The following FRMD4A variants were observed in gnomAD, a reference collection of about 807,000 sequenced individuals.
FRMD4A encodes the protein FERM domain containing 4A, also known as FERM domain-containing protein 4A.
Under a neutral mutation model 129.1 loss-of-function variants are expected in FRMD4A, and 29 were observed. The ratio of observed to expected loss-of-function variants is 0.22; its 90% CI spans 0.17 to 0.31. The LOEUF (loss-of-function observed/expected upper bound fraction) is 0.31, where lower values mean the gene tolerates loss of function less well. Ranked by LOEUF, FRMD4A falls within the 10% of genes least tolerant of loss-of-function variation. FRMD4A has a pLI of 1.00. For missense variants in FRMD4A, 1,272 were observed against 1,375.8 expected (o/e 0.92, Z 1.19); for synonymous variants, 634 against 571.6 (o/e 1.11, Z -1.56).
intron 4 of FRMD4A, among the ~76,000 whole-genome samples, chr10:13,803,361 T>C (rs1262013344): frequency 6.6e-6 from 1 of 152,168 alleles, no homozygotes; most frequent in Non-Finnish European, 1.5e-5. Flanking sequence ...AGACAGAGTC[T>C]CTTTCTGTTG....
intron 6 of FRMD4A, among the ~76,000 whole-genome samples, chr10:13,779,954 T>C (rs1312254493): frequency 1.3e-5 from 2 of 152,146 alleles, no homozygotes; most frequent in East Asian, 1.9e-4. Flanking sequence ...GTGACGGAGA[T>C]TGCATTCATG....
rs141790652 is a variant in FRMD4A at position 13,707,967 on chromosome 10, T to C, written c.760-854A>G. 425 of 842,686 alleles carry C rather than the reference T, an allele frequency of 5.0e-4. 1 individual carries two copies. In the African/African-American group the frequency reaches 7.3e-3, roughly 15 times the overall value. 52.2% of individuals were successfully genotyped at this position (842,686 alleles called of 1,614,324 possible). ...TGCTCCAGGAACGGGGTTCCTTTCA[T>C]TGGATGAAAAAGAAAGTTACTTTAA... is the stretch of plus-strand genomic sequence containing the variant. On this transcript the variant is annotated intron_variant, in intron 12 of 24. Coordinates refer to ENST00000357447, the MANE Select transcript of FRMD4A (RefSeq NM_018027.5).
At chr10:14,036,869 C>A (rs78816825) in intron 2 of FRMD4A, among the ~76,000 whole-genome samples, 186 of 152,250 alleles carry the variant, frequency 1.2e-3, no homozygotes, top group African/African-American at 4.4e-3. Flanking sequence ...TACAGGCATG[C>A]TCCACCGTGC....
chr10:14,221,027 C>T (rs1054302341), intron 2 of FRMD4A, among the ~76,000 whole-genome samples: 1 of 152,062 alleles, frequency 6.6e-6, no homozygotes, highest in Non-Finnish European at 1.5e-5. Flanking sequence ...AGGAACCCTG[C>T]TGTATTGGCT....
intron 2 of FRMD4A, among the ~76,000 whole-genome samples, chr10:14,262,412 C>A (rs1844837472): frequency 6.6e-6 from 1 of 152,144 alleles, no homozygotes; most frequent in Non-Finnish European, 1.5e-5. Flanking sequence ...AGGGTAAATT[C>A]TTGCTAATTA....
chr10:13,942,455 C>A (rs1588452359), intron 2 of FRMD4A, among the ~76,000 whole-genome samples: 2 of 152,198 alleles, frequency 1.3e-5, no homozygotes, highest in African/African-American at 4.8e-5. Context: ...CAAGGCTACA[C>A]TGGAGCAGGT....
At chr10:14,143,275 C>T (rs945029868) in intron 2 of FRMD4A, among the ~76,000 whole-genome samples, 5 of 152,182 alleles carry the variant, frequency 3.3e-5, no homozygotes, top group African/African-American at 1.2e-4. Flanking sequence ...ATGGTATATA[C>T]ATACAATTAA....
intron 2 of FRMD4A, among the ~76,000 whole-genome samples, chr10:14,144,345 G>A (rs1428196420): frequency 1.3e-5 from 2 of 152,008 alleles, no homozygotes; most frequent in Non-Finnish European, 2.9e-5. Context: ...AGAGAGGAGG[G>A]GACCGAAAAA....
chr10:13,921,218 TTCTTTCTTTCTCTC>T (rs1325393064), intron 2 of FRMD4A, among the ~76,000 whole-genome samples: 4 of 38,292 alleles, frequency 1.0e-4, no homozygotes, highest in African/African-American at 2.7e-4. Flanking sequence ...CTCTTTTTCT[TTCTTTCTTTCTCTC>T]TCTTTCTTTC....
chr10:13,997,454 C>A (rs1382411680), intron 2 of FRMD4A, among the ~76,000 whole-genome samples: 3 of 152,074 alleles, frequency 2.0e-5, no homozygotes, highest in South Asian at 2.1e-4. Context: ...CTTTTCTCTA[C>A]CCCACTGTGC....
At chr10:14,263,195 G>C (rs1844862983) in intron 2 of FRMD4A, among the ~76,000 whole-genome samples, 1 of 152,164 alleles carries the variant, frequency 6.6e-6, no homozygotes, top group Non-Finnish European at 1.5e-5. Context: ...CCACTTTTAG[G>C]AGCTGGCATG....
chr10:14,127,979 C>CTTTCT lies in FRMD4A; in HGVS notation c.45+202078_45+202079insAGAAA, dbSNP rs58342864. Among the ~76,000 whole-genome samples, 53 of 31,038 alleles carry CTTTCT rather than the reference C, an allele frequency of 1.7e-3. 5 individuals are homozygous for CTTTCT. The highest frequency in any genetic ancestry group is 3.8e-3 in the South Asian group (3 of 786). The allele number at this position is 31,038 out of a possible 152,430, so 20.4% of individuals were successfully genotyped here. The stretch of plus-strand genomic sequence containing the variant: ...CTTTCTTTCTTTCTTTCTTTCTTTC[C>CTTTCT]TTCTCTCTCTCTCTCTCTCTCTTTC... On this transcript the variant is annotated intron_variant, in intron 2 of 24. Transcript: ENST00000357447.
At chr10:13,755,369 A>G (rs2091816254) in intron 8 of FRMD4A, among the ~76,000 whole-genome samples, 1 of 152,214 alleles carries the variant, frequency 6.6e-6, no homozygotes. Context: ...GATTTCAAAG[A>G]AAGAAAGAGA....
chr10:13,876,480 A>C (rs2131103604), intron 2 of FRMD4A, among the ~76,000 whole-genome samples: 1 of 152,328 alleles, frequency 6.6e-6, no homozygotes, highest in Non-Finnish European at 1.5e-5. Flanking sequence ...AATTCTGTGC[A>C]GAAGAGTTAC....
At chr10:14,139,618 T>A (rs2131839858) in intron 2 of FRMD4A, among the ~76,000 whole-genome samples, 1 of 151,958 alleles carries the variant, frequency 6.6e-6, no homozygotes, top group Non-Finnish European at 1.5e-5. Context: ...CTGGGCTAAT[T>A]TTTTTGTGAT....
At chr10:13,817,493 C>G (rs1028150210) in intron 3 of FRMD4A, among the ~76,000 whole-genome samples, 1 of 152,216 alleles carries the variant, frequency 6.6e-6, no homozygotes, top group African/African-American at 2.4e-5. Flanking sequence ...GGCTGTGTCC[C>G]CATCCAAATC....
At chr10:13,885,564 T>C (rs2094609611) in intron 2 of FRMD4A, among the ~76,000 whole-genome samples, 1 of 152,172 alleles carries the variant, frequency 6.6e-6, no homozygotes, top group Non-Finnish European at 1.5e-5. Flanking sequence ...CCCCCTTTCA[T>C]TCCTAAAGCA....
intron 2 of FRMD4A, among the ~76,000 whole-genome samples, chr10:14,227,937 G>A (rs1236377263): frequency 2.0e-5 from 3 of 151,986 alleles, no homozygotes; most frequent in Admixed American, 6.5e-5. Flanking sequence ...GCAGTGGTGC[G>A]ATCTTGGCTC....
chr10:14,152,956 G>A (rs1169818410), intron 2 of FRMD4A, among the ~76,000 whole-genome samples: 2 of 152,304 alleles, frequency 1.3e-5, no homozygotes, highest in South Asian at 2.1e-4. Context: ...CCCCAGGAAG[G>A]AGGCAAGATC....
Sources: allele counts gnomAD v4.1 joint callset (sites outside exome capture counted in the v4.1 genomes callset), GRCh38; gene constraint gnomAD v4.1.1; transcripts MANE v1.5; gene names NCBI Gene and HGNC (gene_info 2026-07-23, HGNC 2026-07-21).